The following BBS2 variants were observed in gnomAD, a reference collection of about 807,000 sequenced individuals.
BBS2 encodes the protein Bardet-Biedl syndrome 2, also known as BBSome complex member BBS2.
Under a neutral mutation model 83.0 loss-of-function variants are expected in BBS2, and 62 were observed. That is an observed-to-expected ratio of 0.75 (90% CI 0.61 to 0.92). BBS2 has a LOEUF of 0.92. Among genes scored for constraint, BBS2 ranks in the 40% least tolerant of loss-of-function variants. The probability of loss-of-function intolerance (pLI) is 0.00; values close to 1 mark genes in which losing one functional copy is unlikely to be tolerated. For synonymous variants in BBS2, 303 were observed against 326.1 expected (o/e 0.93, Z 0.76); for missense variants, 784 against 901.0 (o/e 0.87, Z 1.66).
chr16:56,519,537 T>C (rs1964856442), intron 1 of BBS2: 1 of 571,510 alleles, frequency 1.7e-6, no homozygotes, highest in East Asian at 2.9e-5. Flanking sequence ...AAGTGCCTGA[T>C]GACAAGAAAA....
intron 7 of BBS2, 114 bp downstream of exon 7, chr16:56,505,836 C>A: frequency 1.2e-6 from 1 of 803,988 alleles, no homozygotes. Context: ...AAAAACATTG[C>A]CAAGGAACGA....
downstream of BBS2, among the ~76,000 whole-genome samples, chr16:56,483,891 AG>A (rs1431715331): frequency 3.3e-5 from 5 of 151,694 alleles, no homozygotes; most frequent in East Asian, 9.7e-4. Context: ...AGTAGAGACC[AG>A]GTTTCATCAT....
At chr16:56,479,703 G>C (rs1963613599), downstream of BBS2, among the ~76,000 whole-genome samples, 1 of 152,130 alleles carries the variant, frequency 6.6e-6, no homozygotes, top group Non-Finnish European at 1.5e-5. Context: ...GATCTGCAGG[G>C]CCCAATGCAG....
At chr16:56,517,081 T>G (rs2144203036) in intron 1 of BBS2, among the ~76,000 whole-genome samples, 1 of 152,010 alleles carries the variant, frequency 6.6e-6, no homozygotes, top group East Asian at 1.9e-4. Flanking sequence ...TCACACTCTA[T>G]CTAAGGGCTG....
At chr16:56,499,354 C>T in intron 12 of BBS2, 1 of 254,700 alleles carries the variant, frequency 3.9e-6, no homozygotes, top group Non-Finnish European at 7.7e-6. Context: ...GATAAGAAAA[C>T]TGAGGCTCAC....
downstream of BBS2, among the ~76,000 whole-genome samples, chr16:56,482,055 T>G (rs920825980): frequency 6.6e-6 from 1 of 152,350 alleles, no homozygotes; most frequent in East Asian, 1.9e-4. Flanking sequence ...CCTTCTAGCC[T>G]GGCCATGAGT....
At chr16:56,488,143 C>T (rs902926569) in intron 15 of BBS2, among the ~76,000 whole-genome samples, 1 of 152,214 alleles carries the variant, frequency 6.6e-6, no homozygotes, top group Non-Finnish European at 1.5e-5. Context: ...TCTGCTCCCA[C>T]ACCACAACAA....
At chr16:56,492,694 G>A (rs1422782947) in intron 15 of BBS2, among the ~76,000 whole-genome samples, 2 of 152,138 alleles carry the variant, frequency 1.3e-5, no homozygotes, top group African/African-American at 4.8e-5. Flanking sequence ...TTAAAACTAA[G>A]AGACCATTTC....
chr16:56,509,666 T>C (rs1350306358), intron 5 of BBS2: 6 of 396,142 alleles, frequency 1.5e-5, no homozygotes, highest in Non-Finnish European at 2.4e-5. Context: ...TAATAAATGA[T>C]TGCCATTATT....
chr16:56,514,364 A>G (rs1964670316), intron 2 of BBS2, 89 bp downstream of exon 2: 2 of 1,275,294 alleles, frequency 1.6e-6, no homozygotes, highest in Non-Finnish European at 2.3e-6. Context: ...CAACAAACAG[A>G]CCAAAATAAA....
At position 56,496,966 on chromosome 16, in the gene BBS2, C is replaced by T. The variant is rs757391646; in HGVS notation, c.1910+1G>A. 1.2e-6 allele frequency: 2 copies of T among 1,608,836 alleles called. No homozygotes were observed. Among genetic ancestry groups the T allele is most frequent in the Non-Finnish European group, 8.5e-7 (1 of 1,175,134 alleles). On this transcript the variant is annotated splice_donor_variant, in intron 15 of 16. Transcript: ENST00000245157. LOFTEE classifies it high-confidence loss of function. Reference sequence around the variant, plus strand: ...CTGTACTAACCATGACAAATACTCACATGTCCCTCATCAGACGAGCATCCT... The same window carrying T: ...CTGTACTAACCATGACAAATACTCATATGTCCCTCATCAGACGAGCATCCT...
At chr16:56,487,391 A>T (rs1227560339) in intron 15 of BBS2, among the ~76,000 whole-genome samples, 4 of 152,230 alleles carry the variant, frequency 2.6e-5, no homozygotes, top group African/African-American at 9.6e-5. Context: ...AGTAAAGGGC[A>T]CATTATAAAA....
chr16:56,501,261 G>T, intron 10 of BBS2, 92 bp downstream of exon 10: 1 of 1,530,658 alleles, frequency 6.5e-7, no homozygotes, highest in South Asian at 1.1e-5. Flanking sequence ...AGTGAGCCAA[G>T]ACAGAGGAAG....
intron 15 of BBS2, among the ~76,000 whole-genome samples, 160 bp downstream of exon 15, chr16:56,496,807 G>A (rs563104904): frequency 1.3e-5 from 2 of 152,278 alleles, no homozygotes; most frequent in African/African-American, 4.8e-5. Flanking sequence ...GAATTGCTGG[G>A]TCATAGAGGA....
intron 1 of BBS2, among the ~76,000 whole-genome samples, chr16:56,515,216 G>A (rs1018062794): frequency 1.3e-4 from 20 of 152,166 alleles, no homozygotes; most frequent in African/African-American, 4.6e-4. Context: ...GTTTATACCA[G>A]TGACATAGAA....
intron 17 of BBS2, chr16:56,476,763 GAC>G (rs1963496970): frequency 6.6e-6 from 1 of 151,494 alleles, no homozygotes; most frequent in African/African-American, 2.5e-5. Context: ...GTCCTTTTGT[GAC>G]TGGTTTCACT....
chr16:56,492,331 TAAAAG>T (rs1398805116), intron 15 of BBS2, among the ~76,000 whole-genome samples: 1 of 152,120 alleles, frequency 6.6e-6, no homozygotes, highest in Non-Finnish European at 1.5e-5. Context: ...TATTCAGTCT[TAAAAG>T]AGAGGGAAAT....
chr16:56,497,034 C>T lies in BBS2; in HGVS notation c.1843G>A (p.Ala615Thr), dbSNP rs1249841970. 1.9e-6 allele frequency: 3 copies of T among 1,614,092 alleles called. No individual in the cohort carries two copies. The highest frequency in any genetic ancestry group is 2.5e-6 in the Non-Finnish European group (3 of 1,179,950). The change falls in exon 15 of 17, where the codon GCT (alanine) becomes ACT (threonine). Residue 615 changes from alanine to threonine, a missense_variant. Transcript: ENST00000245157. ...CTTCGGATCAAATTAGAATGATCAG[C>T]CATATCAGCACTGAGCTTCTGATGC... is the stretch of plus-strand genomic sequence containing the variant. ...SVHQKLSADM[A>T]DHSNLIRSLL... is the part of the protein sequence containing the mutation.
chr16:56,511,844 A>C (rs1171505096), intron 2 of BBS2, among the ~76,000 whole-genome samples: 1 of 152,236 alleles, frequency 6.6e-6, no homozygotes, highest in African/African-American at 2.4e-5. Context: ...TAAAGAAAAA[A>C]TGTGATCAGC....
Sources: gnomAD v4.1 joint callset for allele counts (sites outside exome capture counted in the v4.1 genomes callset) on GRCh38, gnomAD v4.1.1 for gene constraint, MANE v1.5 for transcripts, NCBI Gene and HGNC (gene_info 2026-07-23, HGNC 2026-07-21) for gene names.